The following LDLRAD4 variants were observed in gnomAD, a reference collection of about 807,000 sequenced individuals.
LDLRAD4 encodes the protein low density lipoprotein receptor class A domain containing 4, also known as low-density lipoprotein receptor class A domain-containing protein 4.
A neutral mutation model predicts 17.0 loss-of-function variants in LDLRAD4; 5 were observed. That is an observed-to-expected ratio of 0.29 (90% CI 0.15 to 0.62). The LOEUF is 0.62. Among genes scored for constraint, LDLRAD4 ranks in the 20% least tolerant of loss-of-function variants. The pLI, the probability that LDLRAD4 is intolerant of heterozygous loss-of-function variation, is 0.84. For missense variants in LDLRAD4, 340 were observed against 424.7 expected (o/e 0.80, Z 1.75); for synonymous variants, 168 against 171.8 (o/e 0.98, Z 0.17).
intron 1 of LDLRAD4, among the ~76,000 whole-genome samples, chr18:13,235,500 G>A (rs1034458455): frequency 1.1e-4 from 16 of 152,310 alleles, no homozygotes; most frequent in Middle Eastern, 3.4e-3. Flanking sequence ...ATCTGACTGT[G>A]CTTTTATTCT....
chr18:13,565,022 T>C (rs566759310), intron 3 of LDLRAD4: 1 of 152,286 alleles, frequency 6.6e-6, no homozygotes, highest in South Asian at 2.1e-4. Context: ...GAACACGGAG[T>C]ATGTATTTCA....
At chr18:13,377,630 G>A (rs1261894521) in intron 1 of LDLRAD4, among the ~76,000 whole-genome samples, 2 of 152,182 alleles carry the variant, frequency 1.3e-5, no homozygotes, top group African/African-American at 2.4e-5. Flanking sequence ...AATAGAAACC[G>A]CTTCCTCTCT....
At chr18:13,495,383 A>G (rs1048241170) in intron 3 of LDLRAD4, among the ~76,000 whole-genome samples, 7 of 152,140 alleles carry the variant, frequency 4.6e-5, no homozygotes, top group Non-Finnish European at 2.9e-5. Context: ...CAAACAATTG[A>G]GATTGTAAAT....
intron 1 of LDLRAD4, among the ~76,000 whole-genome samples, chr18:13,382,918 C>T (rs921929628): frequency 3.3e-5 from 5 of 152,260 alleles, no homozygotes; most frequent in Non-Finnish European, 5.9e-5. Flanking sequence ...GCAGCGCTTG[C>T]TCTCTCTCTG....
chr18:13,349,760 T>A (rs2082932440), intron 1 of LDLRAD4, among the ~76,000 whole-genome samples: 1 of 152,196 alleles, frequency 6.6e-6, no homozygotes, highest in African/African-American at 2.4e-5. Context: ...ATTAGCTATT[T>A]GTTCTAATGC....
intron 1 of LDLRAD4, among the ~76,000 whole-genome samples, chr18:13,294,485 C>T (rs2046157621): frequency 1.3e-5 from 2 of 152,240 alleles, no homozygotes; most frequent in African/African-American, 4.8e-5. Context: ...TGAGTTACGT[C>T]TTTTCTTTAG....
At chr18:13,246,824 TAACCTC>T (rs2042978755) in intron 1 of LDLRAD4, among the ~76,000 whole-genome samples, 2 of 152,198 alleles carry the variant, frequency 1.3e-5, no homozygotes, top group Admixed American at 1.3e-4. Context: ...TTGTGCTTCA[TAACCTC>T]AGGGTTAGAC....
chr18:13,333,895 C>T (rs1033013308), intron 1 of LDLRAD4, among the ~76,000 whole-genome samples: 2 of 152,088 alleles, frequency 1.3e-5, no homozygotes, highest in African/African-American at 4.8e-5. Flanking sequence ...GTGTTTTGCC[C>T]CTCCTTGTAA....
Position 13,383,641 on chromosome 18 carries a change from G to A in LDLRAD4, c.-382-3700G>A, listed in dbSNP as rs116498117. Among the ~76,000 whole-genome samples, 591 of 152,344 alleles carry A rather than the reference G, an allele frequency of 3.9e-3. 4 individuals are homozygous for A. The highest frequency in any genetic ancestry group is 0.013 in the African/African-American group (554 of 41,590). On this transcript the variant is annotated intron_variant, in intron 1 of 5. Coordinates refer to ENST00000359446, the Ensembl canonical transcript of LDLRAD4. ...GCCCAGCATGGCTGTGCTGATTGCT[G>A]GTTGGTTTCTAAACTAAAAGCACAC... is the stretch of plus-strand genomic sequence containing the variant.
intron 1 of LDLRAD4, among the ~76,000 whole-genome samples, chr18:13,338,491 G>A (rs984831332): frequency 3.3e-5 from 5 of 152,142 alleles, no homozygotes; most frequent in South Asian, 2.1e-4. Context: ...TCAGTGTAGC[G>A]TTGGTGGATT....
intron 3 of LDLRAD4, among the ~76,000 whole-genome samples, chr18:13,534,317 G>A (rs966284624): frequency 1.3e-5 from 2 of 152,216 alleles, no homozygotes; most frequent in Non-Finnish European, 2.9e-5. Flanking sequence ...TGCTCTGCAT[G>A]TGTCAAATGT....
At chr18:13,616,843 G>A (rs1192833240) in intron 3 of LDLRAD4, among the ~76,000 whole-genome samples, 2 of 152,238 alleles carry the variant, frequency 1.3e-5, no homozygotes, top group Non-Finnish European at 2.9e-5. Context: ...CCTGAGGACA[G>A]TGTTCCTGCT....
exon 6 of LDLRAD4, chr18:13,650,054 C>T (rs1218664936): frequency 4.3e-5 from 17 of 398,450 alleles, no homozygotes; most frequent in Admixed American, 3.5e-4. Flanking sequence ...GCTTACCGTT[C>T]GCCATTTCCA....
At chr18:13,280,226 G>A (rs1168705858) in intron 1 of LDLRAD4, 1 of 152,234 alleles carries the variant, frequency 6.6e-6, no homozygotes, top group Non-Finnish European at 1.5e-5. Flanking sequence ...CGTTTGTGTG[G>A]GGAACTCAGA....
At chr18:13,365,181 T>C (rs1426439243) in intron 1 of LDLRAD4, among the ~76,000 whole-genome samples, 1 of 152,234 alleles carries the variant, frequency 6.6e-6, no homozygotes, top group Non-Finnish European at 1.5e-5. Flanking sequence ...ATGCCTGTCC[T>C]TGGAAGGAGC....
chr18:13,603,625 C>T (rs2095189007), intron 3 of LDLRAD4, among the ~76,000 whole-genome samples: 1 of 152,200 alleles, frequency 6.6e-6, no homozygotes, highest in African/African-American at 2.4e-5. Flanking sequence ...GTTAGAGTGC[C>T]CTGGAGCACT....
intron 1 of LDLRAD4, among the ~76,000 whole-genome samples, chr18:13,370,680 G>A (rs1241988474): frequency 1.4e-5 from 2 of 144,896 alleles, no homozygotes; most frequent in African/African-American, 5.1e-5. Context: ...GCCTTTAGAT[G>A]TAGGCAGTGT....
At chr18:13,232,527 A>G (rs1245674140) in intron 1 of LDLRAD4, among the ~76,000 whole-genome samples, 1 of 150,758 alleles carries the variant, frequency 6.6e-6, no homozygotes, top group Non-Finnish European at 1.5e-5. Context: ...CCTCCGTGTA[A>G]ATCGCCTTCC....
chr18:13,317,585 T>C (rs59149409), intron 1 of LDLRAD4, among the ~76,000 whole-genome samples: 15,480 of 152,250 alleles, frequency 0.1, 1,550 homozygotes, highest in East Asian at 0.37. Context: ...TTTCCGTGGG[T>C]GCCACTGGGA....
Sources: gnomAD v4.1 joint callset for allele counts (sites outside exome capture counted in the v4.1 genomes callset) on GRCh38, gnomAD v4.1.1 for gene constraint, MANE v1.5 for transcripts, NCBI Gene and HGNC (gene_info 2026-07-23, HGNC 2026-07-21) for gene names.